The following ERI1 variants were observed in gnomAD, a reference collection of about 807,000 sequenced individuals.
ERI1 encodes 3'-5' exoribonuclease 1.
In ERI1, 39 loss-of-function variants were observed where a neutral mutation model predicts 39.7. The ratio of observed to expected loss-of-function variants is 0.98; its 90% CI spans 0.76 to 1.28. The LOEUF is 1.28. ERI1 is among the 50% of genes most tolerant of loss of function. The probability of loss-of-function intolerance (pLI) is 0.00; values close to 1 mark genes in which losing one functional copy is unlikely to be tolerated. For missense variants in ERI1, 581 were observed against 416.9 expected, an observed-to-expected ratio of 1.39 and a Z score of -3.43; for synonymous variants, 204 against 149.6, an observed-to-expected ratio of 1.36 and a Z score of -2.65.
chr8:9,008,638 G>A (rs907688266), intron 2 of ERI1, among the ~76,000 whole-genome samples: 1 of 152,142 alleles, frequency 6.6e-6, no homozygotes, highest in Non-Finnish European at 1.5e-5. Flanking sequence ...TGTATATTGA[G>A]TGAGAAAACA....
chr8:9,063,216 G>A (rs968662154), intron 3 of ERI1, among the ~76,000 whole-genome samples: 3 of 152,148 alleles, frequency 2.0e-5, no homozygotes, highest in Admixed American at 6.5e-5. Flanking sequence ...TAGGGTCTAG[G>A]GCTGTAAAGC....
At chr8:9,026,395 C>T (rs4841084) in intron 6 of ERI1, among the ~76,000 whole-genome samples, 60,091 of 152,086 alleles carry the variant, frequency 0.4, 13,966 homozygotes, top group East Asian at 0.69. Context: ...TGAACTTCCC[C>T]TTCCTGCCAA....
In ERI1 at chr8:9,011,284, T is replaced by A. The variant is rs73662276; in HGVS notation, c.288-258T>A. On this transcript the variant is annotated intron_variant, in intron 2 of 6. Coordinates refer to ENST00000250263, the MANE Select transcript of ERI1 (RefSeq NM_153332.4). ...TTATGGTTTGAAGTACCAGTATATG[T>A]TGGAGAAAATACTGTTATATACTAC... Among the ~76,000 whole-genome samples the A allele has an allele frequency of 5.1e-3, 783 of 152,304 alleles. 4 individuals are homozygous for A. Among genetic ancestry groups the A allele is most frequent in the African/African-American group, 0.017 (715 of 41,552 alleles).
chr8:9,057,237 T>C (rs1798537724), intron 3 of ERI1, among the ~76,000 whole-genome samples: 1 of 152,152 alleles, frequency 6.6e-6, no homozygotes. Flanking sequence ...CTTGACCTCC[T>C]GGGTTCAAGT....
chr8:9,030,321 T>G lies in ERI1; in HGVS notation c.*287T>G. 3.0e-6 allele frequency: 1 copy of G among 334,850 alleles called. No homozygotes were observed. Among genetic ancestry groups the G allele is most frequent in the Non-Finnish European group, 5.6e-6 (1 of 179,210 alleles). The allele number at this position is 334,850 out of a possible 1,614,324, so 20.7% of individuals were successfully genotyped here. A position where few individuals can be genotyped will look rare whatever the true frequency, so the allele number is the denominator to read the frequency against. On this transcript the variant is annotated 3_prime_UTR_variant, in exon 7 of 7. Coordinates refer to ENST00000250263, the MANE Select transcript of ERI1 (RefSeq NM_153332.4). ...GGTGTTCAAGATATATTCTTTTTGG[T>G]TTTAAAATGCAAAATCTTATTGGCT...
chr8:9,098,475 G>A (rs539216251), intron 3 of ERI1, among the ~76,000 whole-genome samples: 30 of 152,268 alleles, frequency 2.0e-4, no homozygotes, highest in Admixed American at 1.4e-3. Context: ...CCGAAATGGC[G>A]CCTTTGCACT....
At chr8:9,062,675 G>A (rs963183698) in intron 3 of ERI1, 2 of 150,764 alleles carry the variant, frequency 1.3e-5, no homozygotes, top group East Asian at 2.0e-4. Context: ...GTAGGCTTCC[G>A]AGGCAATCCG....
intron 6 of ERI1, among the ~76,000 whole-genome samples, chr8:9,028,246 T>A (rs1037782310): frequency 2.0e-5 from 3 of 152,240 alleles, no homozygotes; most frequent in African/African-American, 7.2e-5. Flanking sequence ...TCAGTCTCCT[T>A]CCTAGGTATA....
chr8:9,052,105 G>C (rs1244254677), intron 3 of ERI1, among the ~76,000 whole-genome samples: 1 of 152,188 alleles, frequency 6.6e-6, no homozygotes, highest in Non-Finnish European at 1.5e-5. Context: ...TTCAGTAAAT[G>C]TTAGCCGTTA....
At chr8:9,047,286 C>T (rs1354134206) in intron 3 of ERI1, among the ~76,000 whole-genome samples, 1 of 152,136 alleles carries the variant, frequency 6.6e-6, no homozygotes, top group African/African-American at 2.4e-5. Flanking sequence ...TTGGTGAGCT[C>T]AGCTAGTGGT....
At chr8:9,027,712 C>G (rs1216493462) in intron 6 of ERI1, among the ~76,000 whole-genome samples, 3 of 152,134 alleles carry the variant, frequency 2.0e-5, no homozygotes, top group Non-Finnish European at 4.4e-5. Context: ...TCAGTTTTCC[C>G]AACACCGTTT....
chr8:9,036,384 C>G (rs1014520806), downstream of ERI1, among the ~76,000 whole-genome samples: 2 of 152,170 alleles, frequency 1.3e-5, no homozygotes, highest in African/African-American at 4.8e-5. Flanking sequence ...ACTCAGTAGC[C>G]CTCAACGTTT....
At chr8:9,045,876 A>C (rs564588381) in intron 3 of ERI1, among the ~76,000 whole-genome samples, 1 of 151,774 alleles carries the variant, frequency 6.6e-6, no homozygotes, top group Non-Finnish European at 1.5e-5. Flanking sequence ...ATGGGGTTGC[A>C]CCGTGTTGGC....
chr8:9,082,124 G>T (rs1799390502), intron 3 of ERI1, among the ~76,000 whole-genome samples: 1 of 152,218 alleles, frequency 6.6e-6, no homozygotes, highest in Admixed American at 6.5e-5. Flanking sequence ...TCCAGGAAGT[G>T]AAGTTTAGTC....
intron 3 of ERI1, among the ~76,000 whole-genome samples, chr8:9,081,011 C>G (rs1405513314): frequency 6.6e-6 from 1 of 152,198 alleles, no homozygotes; most frequent in African/African-American, 2.4e-5. Context: ...CTCACAGTTC[C>G]TCATGGCTGG....
At chr8:9,049,545 T>A (rs73662286) in intron 3 of ERI1, among the ~76,000 whole-genome samples, 1,885 of 147,756 alleles carry the variant, frequency 0.013, 36 homozygotes, top group African/African-American at 0.044. Context: ...ATTTTGACTT[T>A]AAAAAAAAAA....
intron 3 of ERI1, among the ~76,000 whole-genome samples, chr8:9,072,095 A>C (rs1405525277): frequency 6.6e-6 from 1 of 152,144 alleles, no homozygotes; most frequent in Non-Finnish European, 1.5e-5. Context: ...AATGACAGAG[A>C]GGCAGAATTC....
At chr8:9,085,445 G>A (rs1247644062) in intron 3 of ERI1, among the ~76,000 whole-genome samples, 1 of 152,000 alleles carries the variant, frequency 6.6e-6, no homozygotes, top group Non-Finnish European at 1.5e-5. Flanking sequence ...CTGACCTCAA[G>A]TAATCACCTG....
chr8:9,004,417 T>C, intron 1 of ERI1: 1 of 419,918 alleles, frequency 2.4e-6, no homozygotes. Context: ...TAGGTCTCTG[T>C]TCCAAATTGG....
Sources: allele counts gnomAD v4.1 joint callset (sites outside exome capture counted in the v4.1 genomes callset), GRCh38; gene constraint gnomAD v4.1.1; transcripts MANE v1.5; gene names NCBI Gene and HGNC (gene_info 2026-07-23, HGNC 2026-07-21).